PCYT1A: variants seen among roughly 807,000 people sequenced by gnomAD.
The protein encoded by PCYT1A is phosphate cytidylyltransferase 1A, choline, also known as choline-phosphate cytidylyltransferase A.
Under a neutral mutation model 43.7 loss-of-function variants are expected in PCYT1A, and 25 were observed. That is an observed-to-expected ratio of 0.57 (90% CI 0.42 to 0.80). The LOEUF (loss-of-function observed/expected upper bound fraction) is 0.80, where lower values mean the gene tolerates loss of function less well. Ranked by LOEUF, PCYT1A falls within the 30% of genes least tolerant of loss-of-function variation. The pLI is 0.00. For synonymous variants in PCYT1A, 172 were observed against 170.7 expected (o/e 1.01, Z -0.06); for missense variants, 421 against 474.2 (o/e 0.89, Z 1.04).
At chr3:196,275,668 G>T (rs1198434950) in intron 1 of PCYT1A, among the ~76,000 whole-genome samples, 1 of 152,006 alleles carries the variant, frequency 6.6e-6, no homozygotes, top group African/African-American at 2.4e-5. Flanking sequence ...AGGAGACAGA[G>T]GTTGCAGTGA....
intron 1 of PCYT1A, among the ~76,000 whole-genome samples, chr3:196,275,941 C>T (rs1400532098): frequency 1.3e-5 from 2 of 150,874 alleles, no homozygotes; most frequent in Non-Finnish European, 3.0e-5. Flanking sequence ...ACTAAAAATA[C>T]AAAAAATTAG....
chr3:196,250,982 T>C (rs1484832575), intron 3 of PCYT1A, among the ~76,000 whole-genome samples: 1 of 145,338 alleles, frequency 6.9e-6, no homozygotes, highest in Non-Finnish European at 1.5e-5. Context: ...GAGGACCAGA[T>C]ACCCTATGCT....
intron 2 of PCYT1A, 26 bp downstream of exon 2, chr3:196,270,389 C>T (rs745579454): frequency 7.2e-7 from 1 of 1,395,384 alleles, no homozygotes; most frequent in African/African-American, 1.4e-5. Flanking sequence ...TTCTACCCTC[C>T]CCCTGCCAGG....
chr3:196,238,760 T>C lies in PCYT1A; in HGVS notation c.1032A>G (p.Pro344=). The change falls in exon 9 of 9, where the codon CCA becomes CCG. Residue 344 remains proline, a synonymous_variant. Transcript: ENST00000431016. ...FRWPFSGKTS[P]PCSPANLSRH... ...TGGAGAGATTTGCTGGGGAGCAAGG[T>C]GGGGAAGTCTTGCCGGAGAAGGGCC... 2 of 1,589,780 alleles carry C rather than the reference T, an allele frequency of 1.3e-6. No homozygotes were observed. Among genetic ancestry groups the C allele is most frequent in the Non-Finnish European group, 1.7e-6 (2 of 1,169,004 alleles).
intron 2 of PCYT1A, among the ~76,000 whole-genome samples, chr3:196,258,127 A>G (rs985651905): frequency 2.6e-5 from 4 of 152,018 alleles, no homozygotes; most frequent in Admixed American, 6.6e-5. Flanking sequence ...TCTACTAAAG[A>G]TACAGAAAAT....
intron 1 of PCYT1A, among the ~76,000 whole-genome samples, chr3:196,280,672 C>T (rs1725746466): frequency 7.0e-6 from 1 of 142,420 alleles, no homozygotes; most frequent in African/African-American, 2.6e-5. Context: ...TTTGTTTTCT[C>T]CCTATATACA....
At chr3:196,260,830 ACT>A in intron 2 of PCYT1A, among the ~76,000 whole-genome samples, 1 of 152,226 alleles carries the variant, frequency 6.6e-6, no homozygotes, top group Middle Eastern at 3.4e-3. Context: ...ATAGAGAAAG[ACT>A]CTGCCTCAAA....
In PCYT1A at chr3:196,247,425, TC is replaced by T; in HGVS notation, c.427del (p.Asp143MetfsTer4). ...YDAVQHCRYV[D>X]EVVRNAPWTL... ...CCAGGGCGCATTCCTCACCACCTCATCCACGTAGCGGCAGTGCTGGACTGCG... is the reference window on the plus strand; with the variant it reads ...CCAGGGCGCATTCCTCACCACCTCATCACGTAGCGGCAGTGCTGGACTGCG... On this transcript the variant is annotated frameshift_variant, in exon 5 of 9. Transcript: ENST00000431016. LOFTEE classifies it high-confidence loss of function. This position sits in a 1 kb window ranked among gnomAD's most constrained non-coding sequence, Gnocchi z 4.8. 6.2e-7 allele frequency: 1 copy of T among 1,614,206 alleles called. No individual in the cohort carries two copies. The highest frequency in any genetic ancestry group is 8.5e-7 in the Non-Finnish European group (1 of 1,180,018).
chr3:196,280,437 C>T (rs1725730557), intron 1 of PCYT1A, among the ~76,000 whole-genome samples: 1 of 152,034 alleles, frequency 6.6e-6, no homozygotes, highest in South Asian at 2.1e-4. Context: ...ATAATCTATA[C>T]CCCCTATATA....
chr3:196,256,657 A>C (rs182030274), intron 3 of PCYT1A, among the ~76,000 whole-genome samples: 203 of 152,074 alleles, frequency 1.3e-3, no homozygotes, highest in African/African-American at 4.7e-3. Context: ...CTCGTGCCTT[A>C]GCCTCCCGAG....
chr3:196,275,658 A>G (rs1033711895), intron 1 of PCYT1A, among the ~76,000 whole-genome samples: 2 of 151,824 alleles, frequency 1.3e-5, no homozygotes, highest in African/African-American at 4.8e-5. Flanking sequence ...CCTTGAACCC[A>G]GGAGACAGAG....
chr3:196,241,974 T>C lies in PCYT1A; in HGVS notation c.682A>G (p.Lys228Glu). The stretch of plus-strand genomic sequence containing the variant: ...TTGATAAAGCTGACATTGAGCTCCT[T>C]TGCTGTGTAGCCCCTCTGCAGGTTC... Reference protein sequence around the residue: ...RRNLQRGYTAKELNVSFINEK... With the variant: ...RRNLQRGYTAEELNVSFINEK... The change falls in exon 7 of 9, where the codon AAG becomes GAG. Residue 228 changes from lysine (K) to glutamate (E), a missense_variant. Lys to Glu is a moderately conservative substitution (Grantham distance 56). This residue lies in a region of PCYT1A where 174 missense variants were observed against 270.7 expected (regional missense o/e 0.64). Coordinates refer to ENST00000431016, the MANE Select transcript of PCYT1A (RefSeq NM_001312673.2). 1 of 1,614,190 alleles carries C rather than the reference T, an allele frequency of 6.2e-7. No individual in the cohort carries two copies.
At position 196,238,849 on chromosome 3, in the gene PCYT1A, T is replaced by C. The variant is rs1217573932; in HGVS notation, c.943A>G (p.Ser315Gly). The C allele has an allele frequency of 2.6e-6, 4 of 1,533,836 alleles. No homozygotes were observed. Among genetic ancestry groups the C allele is most frequent in the Admixed American group, 2.1e-5 (1 of 48,020 alleles). Residue 315 changes from serine to glycine, a missense_variant, in exon 9 of 9, where the codon AGC becomes GGC. By Grantham distance (56) the Ser-to-Gly change is moderately conservative (BLOSUM62 0). Around this residue, in one of 3 missense-constraint regions of PCYT1A, gnomAD observed 108 missense variants for 85.7 expected, o/e 1.26. Transcript: ENST00000431016. ...CTGCTGCTGGGGCTCTGCTTCGGGC[T>C]GATGGCCTGCAGCATCCGGCCCTTC... ...EGKGRMLQAI[S>G]PKQSPSSSPT...
At chr3:196,262,897 C>T (rs1010072091) in intron 2 of PCYT1A, among the ~76,000 whole-genome samples, 4 of 151,376 alleles carry the variant, frequency 2.6e-5, no homozygotes, top group Non-Finnish European at 1.5e-5. Context: ...CAGGATCAAG[C>T]GATTCTCCTG....
rs1226845693 is a variant in PCYT1A at position 196,252,933 on chromosome 3, T to C, written c.218-4610A>G. Among the ~76,000 whole-genome samples, 1 of 152,202 alleles carries C rather than the reference T, an allele frequency of 6.6e-6. No homozygotes were observed. The highest frequency in any genetic ancestry group is 2.4e-5 in the African/African-American group (1 of 41,450). On this transcript the variant is annotated intron_variant, in intron 3 of 8. Coordinates refer to ENST00000431016, the MANE Select transcript of PCYT1A (RefSeq NM_001312673.2). This position sits in a 1 kb window ranked among gnomAD's most constrained non-coding sequence, Gnocchi z 4.0. Reference sequence around the variant, plus strand: ...GAAGAAAAAAATATTTTTAAAAAGATAATTTTTAATAAGACAAAGCAAAAT... The same window carrying C: ...GAAGAAAAAAATATTTTTAAAAAGACAATTTTTAATAAGACAAAGCAAAAT...
intron 2 of PCYT1A, among the ~76,000 whole-genome samples, chr3:196,262,330 C>T (rs2108774033): frequency 6.6e-6 from 1 of 152,284 alleles, no homozygotes; most frequent in South Asian, 2.1e-4. Context: ...AACAACAATA[C>T]CTGCCCTACA....
rs145072368 is a variant in PCYT1A at position 196,246,473 on chromosome 3, C to G, written c.486+894G>C. Among the ~76,000 whole-genome samples, 712 of 151,964 alleles carry G rather than the reference C, an allele frequency of 4.7e-3. 5 individuals are homozygous for G. Among genetic ancestry groups the G allele is most frequent in the African/African-American group, 0.016 (676 of 41,436 alleles). On this transcript the variant is annotated intron_variant, in intron 5 of 8. Coordinates refer to ENST00000431016, the MANE Select transcript of PCYT1A (RefSeq NM_001312673.2). ...CTGGTCTTGAGCTCCTGGGCTCAAGCGATCCTCCCACCTTGGCCTCCCAAA... is the reference window on the plus strand; with the variant it reads ...CTGGTCTTGAGCTCCTGGGCTCAAGGGATCCTCCCACCTTGGCCTCCCAAA...
In PCYT1A at chr3:196,252,228, T is replaced by C. The variant is rs1724826755; in HGVS notation, c.218-3905A>G. 6.6e-6 allele frequency among the ~76,000 whole-genome samples: 1 copy of C among 152,128 alleles called. No homozygotes were observed. Among genetic ancestry groups the C allele is most frequent in the Non-Finnish European group, 1.5e-5 (1 of 68,028 alleles). On this transcript the variant is annotated intron_variant, in intron 3 of 8. Coordinates refer to ENST00000431016, the MANE Select transcript of PCYT1A (RefSeq NM_001312673.2). This position sits in a 1 kb window ranked among gnomAD's most constrained non-coding sequence, Gnocchi z 4.0. ...TTTGTACAGATGGGGTTTCACATGT[T>C]GCCCAAGCTAGTTGTATTTTTATTT...
Position 196,247,380 on chromosome 3 carries a change from AG to A in PCYT1A, c.472del (p.Leu158TrpfsTer9), listed in dbSNP as rs779470280. 6.2e-7 allele frequency: 1 copy of A among 1,614,146 alleles called. No individual in the cohort carries two copies. The highest frequency in any genetic ancestry group is 8.5e-7 in the Non-Finnish European group (1 of 1,180,036). On this transcript the variant is annotated frameshift_variant, in exon 5 of 9. Coordinates refer to ENST00000431016, the MANE Select transcript of PCYT1A (RefSeq NM_001312673.2). LOFTEE classifies it high-confidence loss of function. The surrounding 1 kb of genome is among the most constrained non-coding windows in gnomAD (Gnocchi z 4.8). ...NAPWTLTPEF[L>X]AEHRIDFVAH... The stretch of plus-strand genomic sequence containing the variant: ...CCAGTTTCTTACCCGGTGTTCGGCC[AG>A]GAACTCGGGTGTCAGCGTCCAGGGC...
Sources: allele counts gnomAD v4.1 joint callset (sites outside exome capture counted in the v4.1 genomes callset), GRCh38; gene constraint gnomAD v4.1.1; regional missense constraint gnomAD v4.1.1; non-coding constraint Gnocchi (gnomAD v3.1); transcripts MANE v1.5; gene names NCBI Gene and HGNC (gene_info 2026-07-23, HGNC 2026-07-21).